BRD9: variants seen among roughly 807,000 people sequenced by gnomAD.
BRD9 encodes bromodomain-containing protein 9.
Under a neutral mutation model 68.7 loss-of-function variants are expected in BRD9, and 47 were observed. The observed-to-expected ratio is 0.68, with a 90% confidence interval of 0.54 to 0.87. The LOEUF (loss-of-function observed/expected upper bound fraction) is 0.87. Among genes scored for constraint, BRD9 ranks in the 40% least tolerant of loss-of-function variants. The pLI is 0.00. For synonymous variants in BRD9, 313 were observed against 293.9 expected, an observed-to-expected ratio of 1.06 and a Z score of -0.67; for missense variants, 670 against 748.4, an observed-to-expected ratio of 0.90 and a Z score of 1.22.
chr5:865,474 G>A lies in BRD9; in HGVS notation c.1633C>T (p.Arg545Trp), dbSNP rs761934433. ...HEAQAERGGS[R>W]PSSNLSSLSN... ...AGGGAGCTGAGGTTGGACGACGGCCGAGAGCCGCCGCGCTCCGCCTGTGCT... is the reference window on the plus strand; with the variant it reads ...AGGGAGCTGAGGTTGGACGACGGCCAAGAGCCGCCGCGCTCCGCCTGTGCT... The change falls in exon 15 of 16, where the codon CGG becomes TGG. Residue 545 changes from arginine to tryptophan, a missense_variant. Coordinates refer to ENST00000467963, the MANE Select transcript of BRD9 (RefSeq NM_023924.5). The A allele has an allele frequency of 3.1e-6, 5 of 1,599,474 alleles. No homozygotes were observed. The highest frequency in any genetic ancestry group is 2.2e-5 in the East Asian group (1 of 44,504).
rs1560908697 is a variant in BRD9, at chr5:878,336, C to G, written c.1271+19G>C. 1.2e-6 allele frequency: 2 copies of G among 1,612,218 alleles called. No homozygotes were observed. Among genetic ancestry groups the G allele is most frequent in the African/African-American group, 1.3e-5 (1 of 75,084 alleles). ...TCAAGCTGCACAGCAGCCAAGGGCT[C>G]CCCGGGGCCGACACTTGCCTCAGCG... On this transcript the variant is annotated intron_variant, in intron 11 of 15. Coordinates refer to ENST00000467963, the MANE Select transcript of BRD9 (RefSeq NM_023924.5).
intron 12 of BRD9, among the ~76,000 whole-genome samples, chr5:874,473 C>T (rs1215581540): frequency 6.6e-6 from 1 of 152,208 alleles, no homozygotes; most frequent in Non-Finnish European, 1.5e-5. Context: ...ATTCAAATTT[C>T]CCAGCGGCCA....
intron 14 of BRD9, chr5:868,897 C>T (rs764441336): frequency 6.2e-6 from 1 of 161,330 alleles, no homozygotes; most frequent in South Asian, 1.7e-4. Context: ...TGGATCCAGG[C>T]ACCACAAATG....
intron 7 of BRD9, among the ~76,000 whole-genome samples, chr5:884,602 C>A (rs1268612349): frequency 6.6e-6 from 1 of 152,268 alleles, no homozygotes; most frequent in Non-Finnish European, 1.5e-5. Flanking sequence ...TCTCCAACAG[C>A]TGAGGGGCAC....
At chr5:880,615 C>G (rs1475009827) in intron 9 of BRD9, among the ~76,000 whole-genome samples, 2 of 152,178 alleles carry the variant, frequency 1.3e-5, no homozygotes, top group Non-Finnish European at 2.9e-5. Context: ...GTTCAAAGGA[C>G]AAGCCTCTTA....
At chr5:892,452 C>G (rs1753594033) in intron 1 of BRD9, 154 bp downstream of exon 1, 1 of 1,410,794 alleles carries the variant, frequency 7.1e-7, no homozygotes, top group Non-Finnish European at 9.2e-7. Flanking sequence ...CGGTTCCCTG[C>G]CCGAAATCCC....
At chr5:870,236 G>C in intron 14 of BRD9, 1 of 481,672 alleles carries the variant, frequency 2.1e-6, no homozygotes, top group Non-Finnish European at 3.8e-6. Context: ...CCCATCCTGA[G>C]GTTACCCAGG....
chr5:872,051 C>T (rs1378150389), intron 12 of BRD9, among the ~76,000 whole-genome samples: 2 of 151,886 alleles, frequency 1.3e-5, no homozygotes, highest in Non-Finnish European at 2.9e-5. Flanking sequence ...GGTGGGCCTG[C>T]CGTGGGCGCA....
At chr5:883,903 C>A in intron 8 of BRD9, 35 bp downstream of exon 8, 1 of 1,600,294 alleles carries the variant, frequency 6.2e-7, no homozygotes, top group Non-Finnish European at 8.5e-7. Flanking sequence ...TCTGGGGCCA[C>A]GTGGCACCCT....
intron 11 of BRD9, among the ~76,000 whole-genome samples, chr5:876,455 C>T (rs1750943921): frequency 6.6e-6 from 1 of 152,188 alleles, no homozygotes; most frequent in Admixed American, 6.5e-5. Context: ...CACATGCACA[C>T]AGCCTAGAAA....
chr5:874,910 G>A (rs1359893022), intron 12 of BRD9, among the ~76,000 whole-genome samples: 1 of 152,216 alleles, frequency 6.6e-6, no homozygotes, highest in Non-Finnish European at 1.5e-5. Flanking sequence ...TCCTCAGAGT[G>A]CCACAGTCCA....
In BRD9 at chr5:864,293, T is replaced by C; in HGVS notation, c.*175A>G. 1.9e-6 allele frequency: 1 copy of C among 518,664 alleles called. No homozygotes were observed. Among genetic ancestry groups the C allele is most frequent in the South Asian group, 2.2e-5 (1 of 44,772 alleles). 32.1% of individuals were successfully genotyped at this position (518,664 alleles called of 1,614,324 possible). ...CGCGTATGACTCCACTCCTCAGGGTTCGTGGGGCTTGGAGACTCTGCTGAC... is the reference window on the plus strand; with the variant it reads ...CGCGTATGACTCCACTCCTCAGGGTCCGTGGGGCTTGGAGACTCTGCTGAC... On this transcript the variant is annotated 3_prime_UTR_variant, in exon 16 of 16. Coordinates refer to ENST00000467963, the MANE Select transcript of BRD9 (RefSeq NM_023924.5).
At chr5:866,567 A>C (rs542833940) in intron 14 of BRD9, 35 of 152,702 alleles carry the variant, frequency 2.3e-4, no homozygotes, top group Admixed American at 1.9e-3. Flanking sequence ...TGATATGGAC[A>C]GTGAAATCCA....
At chr5:864,589 G>T in intron 15 of BRD9, 21 bp from the exon 16 acceptor site, 1 of 1,607,278 alleles carries the variant, frequency 6.2e-7, no homozygotes, top group South Asian at 1.1e-5. Context: ...CAGAACACAG[G>T]ACTTCAACAC....
At chr5:876,336 C>T (rs560865374) in intron 11 of BRD9, 124 bp from the exon 12 acceptor site, 9 of 659,774 alleles carry the variant, frequency 1.4e-5, no homozygotes, top group Middle Eastern at 3.5e-4. Flanking sequence ...CCTCCCAGAG[C>T]GGGTATTTTG....
At chr5:871,381 G>A in intron 13 of BRD9, 145 bp downstream of exon 13, 1 of 746,622 alleles carries the variant, frequency 1.3e-6, no homozygotes, top group Non-Finnish European at 2.4e-6. Flanking sequence ...AAAAGAGGAG[G>A]AGAAACACTA....
At chr5:871,588 A>G in intron 12 of BRD9, 24 bp from the exon 13 acceptor site, 1 of 1,610,916 alleles carries the variant, frequency 6.2e-7, no homozygotes, top group Non-Finnish European at 8.5e-7. Context: ...GAGGACAGAA[A>G]CTAGTTTTTC....
At chr5:873,719 T>G (rs185333612) in intron 12 of BRD9, among the ~76,000 whole-genome samples, 18 of 152,342 alleles carry the variant, frequency 1.2e-4, no homozygotes, top group Admixed American at 1.1e-3. Flanking sequence ...CATGGGTGTC[T>G]GGGTTTACTG....
intron 7 of BRD9, among the ~76,000 whole-genome samples, chr5:885,690 G>A (rs746770185): frequency 1.1e-4 from 17 of 152,242 alleles, no homozygotes; most frequent in Non-Finnish European, 2.1e-4. Flanking sequence ...ACGGCCATGA[G>A]GGTGGATGTC....
Sources: allele counts gnomAD v4.1 joint callset (sites outside exome capture counted in the v4.1 genomes callset), GRCh38; gene constraint gnomAD v4.1.1; transcripts MANE v1.5; gene names NCBI Gene and HGNC (gene_info 2026-07-23, HGNC 2026-07-21).